ZGPAT: variants seen among roughly 807,000 people sequenced by gnomAD.
ZGPAT encodes zinc finger CCCH-type with G patch domain-containing protein.
Under a neutral mutation model 47.9 loss-of-function variants are expected in ZGPAT, and 39 were observed. That is an observed-to-expected ratio of 0.81 (90% CI 0.63 to 1.06). The LOEUF (loss-of-function observed/expected upper bound fraction) is 1.06, where lower values mean the gene tolerates loss of function less well. Ranked by LOEUF, ZGPAT falls within the 50% of genes least tolerant of loss-of-function variation. ZGPAT has a pLI of 0.00. For missense variants in ZGPAT, 717 were observed against 681.4 expected, an observed-to-expected ratio of 1.05 and a Z score of -0.58; for synonymous variants, 348 against 292.9, an observed-to-expected ratio of 1.19 and a Z score of -1.92.
intron 2 of ZGPAT, among the ~76,000 whole-genome samples, chr20:63,732,286 GGC>G (rs1568799247): frequency 3.8e-5 from 3 of 79,014 alleles, no homozygotes; most frequent in Middle Eastern, 7.2e-3. Context: ...TGTGGGTGAG[GGC>G]GTGTGTGTGT....
chr20:63,732,898 G>A (rs1257912340), intron 2 of ZGPAT, among the ~76,000 whole-genome samples: 1 of 151,798 alleles, frequency 6.6e-6, no homozygotes, highest in Non-Finnish European at 1.5e-5. Flanking sequence ...GTGTACGTGT[G>A]TATATGCATG....
At chr20:63,708,160 C>T (rs1031170815) in intron 1 of ZGPAT, 42 bp downstream of exon 1, 1 of 152,462 alleles carries the variant, frequency 6.6e-6, no homozygotes, top group African/African-American at 2.4e-5. Context: ...TGGGAAACCG[C>T]GCGGAGGAGG....
intron 2 of ZGPAT, among the ~76,000 whole-genome samples, chr20:63,726,095 T>C (rs2091842787): frequency 6.6e-6 from 1 of 151,896 alleles, no homozygotes. Context: ...TGCCTCAGCC[T>C]CCCAAAGTAC....
intron 2 of ZGPAT, among the ~76,000 whole-genome samples, chr20:63,716,518 C>T (rs1476018847): frequency 1.7e-4 from 25 of 143,346 alleles, no homozygotes; most frequent in South Asian, 6.6e-4. Flanking sequence ...TTTTCTTCCT[C>T]TTTTTTTTTT....
chr20:63,731,399 CT>C (rs1337537380), intron 2 of ZGPAT, among the ~76,000 whole-genome samples: 7 of 147,198 alleles, frequency 4.8e-5, no homozygotes, highest in African/African-American at 1.8e-4. Flanking sequence ...ACAGTTGGCC[CT>C]TGGTGTGTGT....
chr20:63,718,478 A>G (rs2091754955), intron 2 of ZGPAT, among the ~76,000 whole-genome samples: 1 of 151,888 alleles, frequency 6.6e-6, no homozygotes, highest in Admixed American at 6.6e-5. Context: ...GATTACAGGC[A>G]CACACCACCA....
In ZGPAT at chr20:63,708,480, C is replaced by G; in HGVS notation, c.-28-73C>G. On this transcript the variant is annotated intron_variant, in intron 1 of 6. Transcript: ENST00000355969. ...CTCCCCGAGGGAAAGGGGACGTGCC[C>G]GTGCCCGTGCCCGCCCTCAGGCTGT... is the stretch of plus-strand genomic sequence containing the variant. 7.4e-6 allele frequency: 8 copies of G among 1,082,620 alleles called. No homozygotes were observed. In the South Asian group the frequency reaches 9.7e-5, roughly 13 times the overall value. The allele number at this position is 1,082,620 out of a possible 1,614,324, so 67.1% of individuals were successfully genotyped here.
intron 1 of ZGPAT, among the ~76,000 whole-genome samples, 166 bp from the exon 2 acceptor site, chr20:63,708,387 C>T (rs1022250860): frequency 1.3e-5 from 2 of 152,118 alleles, no homozygotes; most frequent in East Asian, 1.9e-4. Context: ...GGAAGGGAAG[C>T]GCGGAGCCTG....
intron 2 of ZGPAT, among the ~76,000 whole-genome samples, chr20:63,715,794 G>C (rs1471262142): frequency 6.6e-6 from 1 of 151,874 alleles, no homozygotes; most frequent in Non-Finnish European, 1.5e-5. Flanking sequence ...TCAAATGTTT[G>C]ATAGAATTCA....
intron 2 of ZGPAT, among the ~76,000 whole-genome samples, chr20:63,714,059 G>C (rs1601319570): frequency 6.6e-6 from 1 of 151,936 alleles, no homozygotes; most frequent in Non-Finnish European, 1.5e-5. Context: ...TTTGTTTCTA[G>C]TTTGCATGGC....
At chr20:63,712,555 G>C (rs2091679844) in intron 2 of ZGPAT, among the ~76,000 whole-genome samples, 2 of 152,302 alleles carry the variant, frequency 1.3e-5, no homozygotes, top group Admixed American at 6.5e-5. Context: ...GATATGGATT[G>C]CATAGAATGT....
intron 2 of ZGPAT, among the ~76,000 whole-genome samples, chr20:63,729,049 T>TTTA (rs2091871573): frequency 6.6e-6 from 1 of 151,252 alleles, no homozygotes; most frequent in Admixed American, 6.6e-5. Context: ...TTTTTTTTTT[T>TTTA]GAGATGGAGT....
intron 2 of ZGPAT, among the ~76,000 whole-genome samples, chr20:63,718,198 T>C (rs2091750819): frequency 6.6e-6 from 1 of 151,986 alleles, no homozygotes; most frequent in African/African-American, 2.4e-5. Context: ...CTTGGCTGTT[T>C]TGTTCTGTTG....
At chr20:63,716,413 T>C (rs554975700) in intron 2 of ZGPAT, among the ~76,000 whole-genome samples, 7 of 152,350 alleles carry the variant, frequency 4.6e-5, no homozygotes, top group Admixed American at 2.0e-4. Flanking sequence ...ACCATACAAT[T>C]GTTCATAGTA....
At position 63,734,771 on chromosome 20, in the gene ZGPAT, C is replaced by T. The variant is rs2091960985; in HGVS notation, c.938C>T (p.Thr313Met). Residue 313 changes from threonine (T) to methionine (M), a missense_variant, in exon 5 of 7, where the codon ACG (threonine) becomes ATG (methionine). Physicochemically the swap from Thr to Met is moderately conservative, Grantham distance 81. Coordinates refer to ENST00000355969, the MANE Select transcript of ZGPAT (RefSeq NM_181485.3). ...GCCTTTGCTGGCTGGGAGGTGCACA[C>T]GCGAGGTATAGGCTCCAGACTCCTC... ...SSAFAGWEVH[T>M]RGIGSRLLTK... 1 of 1,613,378 alleles carries T rather than the reference C, an allele frequency of 6.2e-7. No homozygotes were observed. The highest frequency in any genetic ancestry group is 8.5e-7 in the Non-Finnish European group (1 of 1,179,594).
intron 2 of ZGPAT, 140 bp from the exon 3 acceptor site, chr20:63,733,079 T>C: frequency 9.3e-7 from 1 of 1,069,750 alleles, no homozygotes; most frequent in Non-Finnish European, 1.3e-6. Flanking sequence ...TGCGTGAGTG[T>C]GTGAGAGTGT....
At position 63,734,664 on chromosome 20, in the gene ZGPAT, G is replaced by A. The variant is rs757141884; in HGVS notation, c.872-41G>A. ...TTGCAGTGGTGGGGTCGGACGCCGT[G>A]GACTCTGCACAGTCCTCTGCCCTCT... On this transcript the variant is annotated intron_variant, in intron 4 of 6. Coordinates refer to ENST00000355969, the MANE Select transcript of ZGPAT (RefSeq NM_181485.3). 1.5e-5 allele frequency: 24 copies of A among 1,607,478 alleles called. No individual in the cohort carries two copies. In the Admixed American group the frequency reaches 3.6e-4, roughly 24 times the overall value.
intron 2 of ZGPAT, chr20:63,730,302 G>A (rs1445418166): frequency 6.6e-6 from 1 of 152,212 alleles, no homozygotes; most frequent in Non-Finnish European, 1.5e-5. Context: ...AGGGCCCTGT[G>A]TGCCTAAGAA....
chr20:63,730,922 T>TTCTCTCTC (rs33915732), intron 2 of ZGPAT, among the ~76,000 whole-genome samples: 2,653 of 124,412 alleles, frequency 0.021, 55 homozygotes, highest in East Asian at 0.051. Flanking sequence ...TTCCTCTTCA[T>TTCTCTCTC]TCTCTCTCTC....
Sources: allele counts gnomAD v4.1 joint callset (sites outside exome capture counted in the v4.1 genomes callset), GRCh38; gene constraint gnomAD v4.1.1; transcripts MANE v1.5; gene names NCBI Gene and HGNC (gene_info 2026-07-23, HGNC 2026-07-21).